CTNNA3: variants seen among roughly 807,000 people sequenced by gnomAD.
CTNNA3 encodes catenin alpha-3.
CTNNA3 carries 76 observed loss-of-function variants against 95.7 expected under a neutral mutation model. The ratio of observed to expected loss-of-function variants is 0.79; its 90% CI spans 0.66 to 0.96. CTNNA3 has a LOEUF of 0.96. CTNNA3 is among the 40% of genes least tolerant of loss of function. The pLI, the probability that CTNNA3 is intolerant of heterozygous loss-of-function variation, is 0.00. For synonymous variants in CTNNA3, 431 were observed against 374.4 expected (o/e 1.15, Z -1.74); for missense variants, 1,191 against 1,089.8 (o/e 1.09, Z -1.31).
At chr10:66,805,546 T>G (rs1841606129) in intron 7 of CTNNA3, among the ~76,000 whole-genome samples, 1 of 150,354 alleles carries the variant, frequency 6.7e-6, no homozygotes, top group Non-Finnish European at 1.5e-5. Flanking sequence ...TATTCTTGAT[T>G]ATACAAGTAA....
At chr10:66,656,566 C>T (rs1012827231) in intron 9 of CTNNA3, among the ~76,000 whole-genome samples, 8 of 152,010 alleles carry the variant, frequency 5.3e-5, no homozygotes, top group African/African-American at 1.4e-4. Flanking sequence ...AGTTCAACAC[C>T]CATTCTAACA....
At chr10:67,734,907 AATG>A (rs1421649642) in intron 1 of CTNNA3, among the ~76,000 whole-genome samples, 5 of 152,220 alleles carry the variant, frequency 3.3e-5, no homozygotes, top group Non-Finnish European at 5.9e-5. Context: ...TGGACATTAA[AATG>A]ATGATATAGC....
chr10:67,076,304 T>G, intron 7 of CTNNA3, among the ~76,000 whole-genome samples: 1 of 152,246 alleles, frequency 6.6e-6, no homozygotes, highest in East Asian at 1.9e-4. Flanking sequence ...TCAGAGATCA[T>G]GTTACTTCAG....
chr10:66,125,934 T>C (rs1221845165), intron 13 of CTNNA3, among the ~76,000 whole-genome samples: 1 of 152,196 alleles, frequency 6.6e-6, no homozygotes, highest in Non-Finnish European at 1.5e-5. Context: ...ATACATGACA[T>C]ACCTTTGTCA....
intron 15 of CTNNA3, among the ~76,000 whole-genome samples, chr10:65,991,342 T>A (rs1010686784): frequency 2.0e-5 from 3 of 152,126 alleles, no homozygotes; most frequent in Admixed American, 2.0e-4. Flanking sequence ...AAAATGTAGA[T>A]TTCTTTTGGT....
chr10:66,777,681 C>T (rs1203777320), intron 7 of CTNNA3, among the ~76,000 whole-genome samples: 3 of 151,886 alleles, frequency 2.0e-5, no homozygotes, highest in Non-Finnish European at 4.4e-5. Flanking sequence ...GCAGTGTTTG[C>T]TCTTGGTTGT....
chr10:66,331,695 G>C, intron 12 of CTNNA3, among the ~76,000 whole-genome samples: 1 of 151,862 alleles, frequency 6.6e-6, no homozygotes, highest in East Asian at 1.9e-4. Context: ...TGCTGTTTTG[G>C]TTACTGTAGC....
At position 67,488,481 on chromosome 10, in the gene CTNNA3, T is replaced by C. The variant is rs181915354; in HGVS notation, c.579+33361A>G. 2.1e-3 allele frequency among the ~76,000 whole-genome samples: 312 copies of C among 152,140 alleles called. 2 individuals are homozygous for C. Among genetic ancestry groups the C allele is most frequent in the African/African-American group, 7.2e-3 (300 of 41,508 alleles). On this transcript the variant is annotated intron_variant, in intron 5 of 17. Coordinates refer to ENST00000433211, the MANE Select transcript of CTNNA3 (RefSeq NM_013266.4). ...GCCTCCCAGGTTCAAGTGATTTTCC[T>C]GCCTCAGCCCCCTGAGTAGCTGGAA...
intron 7 of CTNNA3, among the ~76,000 whole-genome samples, chr10:66,898,504 A>T (rs1483026871): frequency 1.3e-5 from 2 of 152,186 alleles, no homozygotes; most frequent in African/African-American, 2.4e-5. Context: ...AACAAAAAAC[A>T]GACAGACCAA....
chr10:67,115,850 T>G (rs1042279858), intron 7 of CTNNA3, among the ~76,000 whole-genome samples: 7 of 151,972 alleles, frequency 4.6e-5, no homozygotes, highest in Admixed American at 1.3e-4. Flanking sequence ...ACATTTCATC[T>G]GACACTTCCT....
At position 66,435,247 on chromosome 10, in the gene CTNNA3, T is replaced by G. The variant is rs545698237; in HGVS notation, c.1532-55895A>C. ...AACCAGCTCTTCTTTGTACCTCTGATAGAATTTGGCTGTGAATCTGTCTGG... is the reference window on the plus strand; with the variant it reads ...AACCAGCTCTTCTTTGTACCTCTGAGAGAATTTGGCTGTGAATCTGTCTGG... On this transcript the variant is annotated intron_variant, in intron 11 of 17. Coordinates refer to ENST00000433211, the MANE Select transcript of CTNNA3 (RefSeq NM_013266.4). 2.6e-5 allele frequency among the ~76,000 whole-genome samples: 4 copies of G among 152,276 alleles called. No individual in the cohort carries two copies. In the East Asian group the frequency reaches 7.7e-4, roughly 29 times the overall value.
intron 7 of CTNNA3, among the ~76,000 whole-genome samples, chr10:67,019,267 G>A (rs1396216661): frequency 6.6e-6 from 1 of 152,168 alleles, no homozygotes; most frequent in Non-Finnish European, 1.5e-5. Context: ...TGCCCAGGCT[G>A]GAGTGTAATG....
At chr10:67,727,998 T>TC (rs1172037229) in intron 1 of CTNNA3, among the ~76,000 whole-genome samples, 2 of 139,924 alleles carry the variant, frequency 1.4e-5, no homozygotes, top group African/African-American at 2.6e-5. Context: ...TGTATACATG[T>TC]ATATTATGTA....
At chr10:66,932,065 T>C (rs1457084157) in intron 7 of CTNNA3, among the ~76,000 whole-genome samples, 1 of 152,198 alleles carries the variant, frequency 6.6e-6, no homozygotes, top group Non-Finnish European at 1.5e-5. Flanking sequence ...TCCAGTTTGC[T>C]GATTGTGCCA....
At chr10:66,123,148 T>C (rs1409876084) in intron 13 of CTNNA3, among the ~76,000 whole-genome samples, 3 of 152,216 alleles carry the variant, frequency 2.0e-5, no homozygotes, top group Non-Finnish European at 4.4e-5. Flanking sequence ...CTTCTGCTTA[T>C]GATCCTGTAA....
At chr10:66,286,430 G>C (rs1301838537) in intron 12 of CTNNA3, among the ~76,000 whole-genome samples, 1 of 151,978 alleles carries the variant, frequency 6.6e-6, no homozygotes, top group East Asian at 1.9e-4. Context: ...TCCTCTTTTA[G>C]AATCACTCAC....
chr10:66,585,381 C>G (rs1048187342), intron 10 of CTNNA3, among the ~76,000 whole-genome samples: 1 of 151,838 alleles, frequency 6.6e-6, no homozygotes, highest in African/African-American at 2.4e-5. Context: ...TTTCCTTCTT[C>G]TTTTAATTCT....
chr10:67,593,985 T>G (rs565971694), intron 3 of CTNNA3, among the ~76,000 whole-genome samples: 27 of 152,268 alleles, frequency 1.8e-4, no homozygotes, highest in Middle Eastern at 3.4e-3. Flanking sequence ...TGAATTTTAT[T>G]GAAAGCCTTT....
chr10:66,562,126 G>A (rs1431994979), intron 10 of CTNNA3, among the ~76,000 whole-genome samples: 2 of 152,032 alleles, frequency 1.3e-5, no homozygotes, highest in Non-Finnish European at 2.9e-5. Context: ...ATACATATTA[G>A]CAAAGACATA....
Sources: gnomAD v4.1 joint callset for allele counts (sites outside exome capture counted in the v4.1 genomes callset) on GRCh38, gnomAD v4.1.1 for gene constraint, MANE v1.5 for transcripts, NCBI Gene and HGNC (gene_info 2026-07-23, HGNC 2026-07-21) for gene names.